Variants in VPS37B observed in about 807,000 individuals in gnomAD.
The protein encoded by VPS37B is vacuolar protein sorting-associated protein 37B.
In VPS37B, 11 loss-of-function variants were observed where a neutral mutation model predicts 21.2. The observed-to-expected ratio is 0.52, with a 90% confidence interval of 0.33 to 0.86. The LOEUF (loss-of-function observed/expected upper bound fraction) is 0.86, where lower values mean the gene tolerates loss of function less well. Ranked by LOEUF, VPS37B falls within the 40% of genes least tolerant of loss-of-function variation. VPS37B has a pLI of 0.03. For synonymous variants in VPS37B, 175 were observed against 159.6 expected (o/e 1.10, Z -0.73); for missense variants, 389 against 374.8 (o/e 1.04, Z -0.31).
At chr12:122,885,256 TAAAA>T (rs755377864) in intron 1 of VPS37B, 5 of 142,034 alleles carry the variant, frequency 3.5e-5, no homozygotes, top group African/African-American at 1.3e-4. Flanking sequence ...TAAGACTTAC[TAAAA>T]AAAAAAAAAG....
In VPS37B at chr12:122,867,158, C is replaced by CG; in HGVS notation, c.815dup (p.Pro273AlafsTer61). 2 of 1,551,868 alleles carry CG rather than the reference C, an allele frequency of 1.3e-6. No individual in the cohort carries two copies. The highest frequency in any genetic ancestry group is 1.7e-6 in the Non-Finnish European group (2 of 1,155,198). ...CCGGCTGGTGTGGAGGGAGCCGGGG[C>CG]GGGGGTCTCTGAGGGAGAGGTGGCG... is the stretch of plus-strand genomic sequence containing the variant. On this transcript the variant is annotated frameshift_variant, in exon 4 of 4. Transcript: ENST00000267202. LOFTEE classifies it high-confidence loss of function. The surrounding 1 kb of genome is among the most constrained non-coding windows in gnomAD (Gnocchi z 5.5).
chr12:122,887,250 C>T (rs2034342654), intron 1 of VPS37B: 1 of 152,166 alleles, frequency 6.6e-6, no homozygotes, highest in Non-Finnish European at 1.5e-5. Context: ...TCAAATCCAT[C>T]CTTCCCCTGG....
chr12:122,885,270 G>A (rs748181823), intron 1 of VPS37B: 25 of 150,116 alleles, frequency 1.7e-4, no homozygotes, highest in Admixed American at 3.3e-4. Flanking sequence ...AAAAAAAAAA[G>A]TTAAATGTTG....
chr12:122,872,155 C>A, intron 1 of VPS37B: 1 of 985,552 alleles, frequency 1.0e-6, no homozygotes, highest in East Asian at 1.1e-4. Flanking sequence ...CTGCTCCCCA[C>A]CCCCAGTCAT....
chr12:122,872,341 A>G (rs1268244532), intron 1 of VPS37B: 1 of 985,340 alleles, frequency 1.0e-6, no homozygotes, highest in African/African-American at 1.7e-5. Context: ...AGTGATCTGC[A>G]TCTCCAGACA....
intron 1 of VPS37B, among the ~76,000 whole-genome samples, chr12:122,893,274 T>C (rs1026395): frequency 0.95 from 144,825 of 152,252 alleles, 68,928 homozygotes; most frequent in East Asian, 0.99. Flanking sequence ...TAAGTACTAA[T>C]AGGCATCATC....
chr12:122,881,156 T>C (rs2034241793), intron 1 of VPS37B: 1 of 152,254 alleles, frequency 6.6e-6, no homozygotes, highest in Non-Finnish European at 1.5e-5. Flanking sequence ...TTGTTGAGCA[T>C]AGCTAGCATG....
intron 1 of VPS37B, chr12:122,879,057 A>T (rs1486382341): frequency 6.6e-6 from 1 of 152,396 alleles, no homozygotes; most frequent in Non-Finnish European, 1.5e-5. Context: ...ACGCCAGCAC[A>T]CATGAGAAGC....
At chr12:122,884,778 G>C (rs1021871020) in intron 1 of VPS37B, 1 of 151,728 alleles carries the variant, frequency 6.6e-6, no homozygotes, top group Non-Finnish European at 1.5e-5. Flanking sequence ...AAGAGCTTCG[G>C]GTTTTATTGT....
Position 122,866,947 on chromosome 12 carries a change from A to AG in VPS37B, c.*168dup. On this transcript the variant is annotated 3_prime_UTR_variant, in exon 4 of 4. Coordinates refer to ENST00000267202, the MANE Select transcript of VPS37B (RefSeq NM_024667.3). ...CACACACAACTGCCTTGATGCCCAAAGCCTGGGCTCCTACTACTCACCACT... is the reference window on the plus strand; with the variant it reads ...CACACACAACTGCCTTGATGCCCAAAGGCCTGGGCTCCTACTACTCACCACT... The AG allele has an allele frequency of 1.3e-6, 1 of 797,738 alleles. No homozygotes were observed. The highest frequency in any genetic ancestry group is 1.8e-6 in the Non-Finnish European group (1 of 560,362). 49.4% of individuals were successfully genotyped at this position (797,738 alleles called of 1,614,324 possible). A position where few individuals can be genotyped will look rare whatever the true frequency, so the allele number is the denominator to read the frequency against.
chr12:122,885,239 A>C (rs540464096), intron 1 of VPS37B: 2 of 152,052 alleles, frequency 1.3e-5, no homozygotes, highest in East Asian at 3.9e-4. Context: ...AAAACTGCCT[A>C]GACACTTAAG....
chr12:122,891,198 T>C (rs1417474376), intron 1 of VPS37B, among the ~76,000 whole-genome samples: 1 of 152,252 alleles, frequency 6.6e-6, no homozygotes, highest in Admixed American at 6.5e-5. Context: ...CACTGTGTGA[T>C]GCCACCCACC....
intron 1 of VPS37B, chr12:122,872,687 A>G: frequency 3.0e-6 from 3 of 985,446 alleles, no homozygotes; most frequent in Non-Finnish European, 3.6e-6. Flanking sequence ...AGAACAAACA[A>G]AAACCACTGT....
chr12:122,885,582 TTATCTC>T (rs2034308847), intron 1 of VPS37B: 2 of 152,238 alleles, frequency 1.3e-5, no homozygotes, highest in African/African-American at 4.8e-5. Flanking sequence ...TTAACAGTGT[TTATCTC>T]TGGGTAGTGA....
chr12:122,872,520 G>A, intron 1 of VPS37B: 1 of 985,438 alleles, frequency 1.0e-6, no homozygotes, highest in Non-Finnish European at 1.2e-6. Flanking sequence ...AGCAAAAAAG[G>A]AGAATCTTGG....
intron 1 of VPS37B, among the ~76,000 whole-genome samples, chr12:122,892,939 T>G (rs1394549521): frequency 1.3e-5 from 2 of 152,044 alleles, no homozygotes; most frequent in Non-Finnish European, 2.9e-5. Flanking sequence ...CGCACACCTG[T>G]GAGCCCTGCT....
At chr12:122,878,863 GCTGGTCTCAAACTC>G (rs2034202941) in intron 1 of VPS37B, 2 of 152,140 alleles carry the variant, frequency 1.3e-5, no homozygotes, top group African/African-American at 4.8e-5. Flanking sequence ...TGTTGGCCAG[GCTGGTCTCAAACTC>G]CTGGCCTCAA....
Position 122,867,135 on chromosome 12 carries a change from G to A in VPS37B, c.839C>T (p.Pro280Leu), listed in dbSNP as rs747479919. ...RPPPRLPPHQ[P>L]GFILQ The stretch of plus-strand genomic sequence containing the variant: ...CGGCGCTCACTGGAGGATGAAACCC[G>A]GCTGGTGTGGAGGGAGCCGGGGCGG... Residue 280 changes from proline (P) to leucine (L), a missense_variant, in exon 4 of 4, where the codon CCG (proline) becomes CTG (leucine). Coordinates refer to ENST00000267202, the MANE Select transcript of VPS37B (RefSeq NM_024667.3). The surrounding 1 kb of genome is among the most constrained non-coding windows in gnomAD (Gnocchi z 5.5). 263 of 1,532,470 alleles carry A rather than the reference G, an allele frequency of 1.7e-4. No homozygotes were observed. The highest frequency in any genetic ancestry group is 2.2e-4 in the Non-Finnish European group (256 of 1,146,710). 94.9% of individuals were successfully genotyped at this position (1,532,470 alleles called of 1,614,324 possible).
At chr12:122,872,606 G>A in intron 1 of VPS37B, 1 of 985,432 alleles carries the variant, frequency 1.0e-6, no homozygotes, top group Non-Finnish European at 1.2e-6. Flanking sequence ...CACCCACAGG[G>A]CGGCTCTCCA....
Sources: gnomAD v4.1 joint callset for allele counts (sites outside exome capture counted in the v4.1 genomes callset) on GRCh38, gnomAD v4.1.1 for gene constraint, Gnocchi (gnomAD v3.1) non-coding constraint, MANE v1.5 for transcripts, NCBI Gene and HGNC (gene_info 2026-07-23, HGNC 2026-07-21) for gene names.